Variants in HERC1 observed in about 807,000 individuals in gnomAD.
The protein encoded by HERC1 is probable E3 ubiquitin-protein ligase HERC1.
HERC1 carries 160 observed loss-of-function variants against 554.3 expected under a neutral mutation model. The observed-to-expected ratio is 0.29, with a 90% CI of 0.25 to 0.33. HERC1 has a LOEUF of 0.33. Ranked by LOEUF, HERC1 falls within the 10% of genes least tolerant of loss-of-function variation. The pLI is 1.00. For missense variants in HERC1, 4,919 were observed against 5,918.5 expected (o/e 0.83, Z 5.54); for synonymous variants, 2,175 against 2,131.7 (o/e 1.02, Z -0.56).
chr15:63,752,723 A>G, intron 8 of HERC1: 1 of 362,428 alleles, frequency 2.8e-6, no homozygotes, highest in Non-Finnish European at 5.0e-6. Context: ...TTAGAAAGTC[A>G]GTTTAATACA....
At chr15:63,816,230 C>T (rs2077489137) in intron 1 of HERC1, among the ~76,000 whole-genome samples, 4 of 152,134 alleles carry the variant, frequency 2.6e-5, no homozygotes, top group African/African-American at 9.7e-5. Flanking sequence ...TACTGTAAGT[C>T]TTTTACATGT....
At chr15:63,632,581 G>T in intron 68 of HERC1, 128 bp downstream of exon 68, 1 of 707,184 alleles carries the variant, frequency 1.4e-6, no homozygotes, top group Non-Finnish European at 2.6e-6. Context: ...TATACTGAAA[G>T]GAGGTCATAG....
chr15:63,679,526 G>GA (rs911459858), intron 36 of HERC1, among the ~76,000 whole-genome samples: 2 of 151,898 alleles, frequency 1.3e-5, no homozygotes, highest in South Asian at 2.1e-4. Flanking sequence ...ATGGAGTAGG[G>GA]AAAAAAAATC....
intron 55 of HERC1, among the ~76,000 whole-genome samples, chr15:63,647,522 T>A (rs189498612): frequency 6.6e-6 from 1 of 152,134 alleles, no homozygotes. Flanking sequence ...GGAAAATAAT[T>A]CATTTTCTCA....
At position 63,612,154 on chromosome 15, in the gene HERC1, C is replaced by A; in HGVS notation, c.14400+97G>T. The stretch of plus-strand genomic sequence containing the variant: ...AGTAAGCTAAAATCATGCCACTGCA[C>A]TCCAGCCTGGGCCACAGAGTGAGAC... On this transcript the variant is annotated intron_variant, in intron 77 of 77. Transcript: ENST00000443617. The surrounding 1 kb of genome is among the most constrained non-coding windows in gnomAD (Gnocchi z 5.0). The A allele has an allele frequency of 8.7e-7, 1 of 1,152,520 alleles. No individual in the cohort carries two copies. Among genetic ancestry groups the A allele is most frequent in the Non-Finnish European group, 1.2e-6 (1 of 822,514 alleles). The allele number at this position is 1,152,520 out of a possible 1,614,324, so 71.4% of individuals were successfully genotyped here.
chr15:63,663,001 G>A lies in HERC1; in HGVS notation c.8884C>T (p.Leu2962=). 6.2e-7 allele frequency: 1 copy of A among 1,613,956 alleles called. No individual in the cohort carries two copies. The highest frequency in any genetic ancestry group is 8.5e-7 in the Non-Finnish European group (1 of 1,179,822). The stretch of plus-strand genomic sequence containing the variant: ...ACACACACCCAGGTAGGCCAATCCA[G>A]TACCTCTGGGATCCACATTCCCAGA... ...DILGMWIPEV[L]DWPTWHVCES... Residue 2962 remains leucine, a synonymous_variant, in exon 44 of 78, where the codon CTG becomes TTG. Transcript: ENST00000443617.
At chr15:63,825,419 T>C (rs1231129742) in intron 1 of HERC1, among the ~76,000 whole-genome samples, 1 of 152,226 alleles carries the variant, frequency 6.6e-6, no homozygotes, top group African/African-American at 2.4e-5. Context: ...CTATGTGAGA[T>C]GATGGGTATC....
intron 48 of HERC1, 62 bp downstream of exon 48, chr15:63,658,482 G>C (rs1361513890): frequency 7.6e-6 from 11 of 1,439,946 alleles, no homozygotes; most frequent in South Asian, 1.3e-5. Flanking sequence ...AACACCACCA[G>C]ACTTCCAGCT....
At chr15:63,662,776 T>TA (rs1428538484) in intron 44 of HERC1, among the ~76,000 whole-genome samples, 1 of 152,128 alleles carries the variant, frequency 6.6e-6, no homozygotes, top group Non-Finnish European at 1.5e-5. Context: ...AGAGAAACAA[T>TA]AAAATCCCAC....
intron 48 of HERC1, among the ~76,000 whole-genome samples, chr15:63,657,551 T>C (rs1405234854): frequency 6.6e-6 from 1 of 152,172 alleles, no homozygotes; most frequent in East Asian, 1.9e-4. Context: ...GCATTACTAA[T>C]ATCTTCTCCC....
At chr15:63,676,977 A>G (rs2071244039) in intron 37 of HERC1, among the ~76,000 whole-genome samples, 1 of 152,216 alleles carries the variant, frequency 6.6e-6, no homozygotes, top group Non-Finnish European at 1.5e-5. Context: ...CTTATCCAAA[A>G]TGCACAGGAT....
chr15:63,660,136 T>C (rs530363123), intron 46 of HERC1, among the ~76,000 whole-genome samples, 200 bp from the exon 47 acceptor site: 1 of 152,004 alleles, frequency 6.6e-6, no homozygotes, highest in African/African-American at 2.4e-5. Flanking sequence ...CTGGCCAACA[T>C]GATGAAACCC....
At chr15:63,632,287 G>A (rs534053855) in intron 68 of HERC1, 2 of 207,908 alleles carry the variant, frequency 9.6e-6, no homozygotes, top group Non-Finnish European at 2.0e-5. Context: ...CCTGGGTTAC[G>A]AACCTACTCA....
intron 32 of HERC1, 27 bp downstream of exon 32, chr15:63,690,514 T>C (rs540874566): frequency 3.6e-5 from 53 of 1,465,122 alleles, no homozygotes; most frequent in Non-Finnish European, 4.7e-5. Context: ...ATGGAAAACA[T>C]CTTCTAATAA....
chr15:63,725,613 CA>C (rs2074008855), intron 17 of HERC1, 100 bp from the exon 18 acceptor site: 1 of 839,042 alleles, frequency 1.2e-6, no homozygotes, highest in Non-Finnish European at 1.9e-6. Context: ...GATACTGATG[CA>C]AAATATTTTA....
intron 12 of HERC1, among the ~76,000 whole-genome samples, chr15:63,739,804 C>T (rs1337112592): frequency 6.6e-6 from 1 of 152,144 alleles, no homozygotes; most frequent in Non-Finnish European, 1.5e-5. Flanking sequence ...AGCCACTGCA[C>T]TCCAGCTTGG....
At chr15:63,627,409 C>T (rs896699161) in intron 70 of HERC1, among the ~76,000 whole-genome samples, 15 of 152,264 alleles carry the variant, frequency 9.9e-5, no homozygotes, top group Non-Finnish European at 1.0e-4. Context: ...CAGTGGCTCA[C>T]ACCTGTAATC....
intron 46 of HERC1, 113 bp from the exon 47 acceptor site, chr15:63,660,049 T>A: frequency 5.8e-6 from 5 of 859,332 alleles, no homozygotes; most frequent in Middle Eastern, 3.3e-4. Context: ...CCAGATGCGA[T>A]GGCTCACGCC....
chr15:63,754,712 T>C, intron 6 of HERC1, 64 bp from the exon 7 acceptor site: 1 of 1,429,032 alleles, frequency 7.0e-7, no homozygotes, highest in Non-Finnish European at 9.5e-7. Flanking sequence ...GGCCTTGACT[T>C]CACAAGTATA....
Sources: gnomAD v4.1 joint callset for allele counts (sites outside exome capture counted in the v4.1 genomes callset) on GRCh38, gnomAD v4.1.1 for gene constraint, Gnocchi (gnomAD v3.1) non-coding constraint, MANE v1.5 for transcripts, NCBI Gene and HGNC (gene_info 2026-07-23, HGNC 2026-07-21) for gene names.